Variants in SLC44A5 observed in about 807,000 individuals in gnomAD.
SLC44A5 encodes choline transporter-like protein 5.
In SLC44A5, 57 loss-of-function variants were observed where a neutral mutation model predicts 101.8. That is an observed-to-expected ratio of 0.56 (90% CI 0.45 to 0.70). The LOEUF is 0.70. SLC44A5 is among the 30% of genes least tolerant of loss of function. The pLI is 0.00. For synonymous variants in SLC44A5, 281 were observed against 290.9 expected (o/e 0.97, Z 0.35); for missense variants, 737 against 853.1 (o/e 0.86, Z 1.70).
rs552434534 is a variant in SLC44A5, at chr1:75,362,460, A to G, written c.53-22830T>C. 1.1e-4 allele frequency among the ~76,000 whole-genome samples: 17 copies of G among 152,038 alleles called. No homozygotes were observed. The East Asian group carries it at 2.9e-3, about 26-fold the overall frequency. Reference sequence around the variant, plus strand: ...TCCCTTTTAGAACTGTTTCTGGGGCATCCCATAAGTTTCTATACATTGTTT... The same window carrying G: ...TCCCTTTTAGAACTGTTTCTGGGGCGTCCCATAAGTTTCTATACATTGTTT... On this transcript the variant is annotated intron_variant, in intron 3 of 23. Coordinates refer to ENST00000370859, the MANE Select transcript of SLC44A5 (RefSeq NM_001130058.2).
intron 5 of SLC44A5, among the ~76,000 whole-genome samples, chr1:75,292,011 C>CA (rs768550940): frequency 0.039 from 2,039 of 52,048 alleles, 28 homozygotes; most frequent in Non-Finnish European, 0.045. Flanking sequence ...GACTCTGTCT[C>CA]AAAAAAAAAA....
chr1:75,650,058 C>G, the SLC44A5 span, among the ~76,000 whole-genome samples: 1 of 152,150 alleles, frequency 6.6e-6, no homozygotes, highest in African/African-American at 2.4e-5. Context: ...TTCTCTCTCT[C>G]TCTCTCATTA....
intron 3 of SLC44A5, among the ~76,000 whole-genome samples, chr1:75,358,321 GGT>G (rs2101102053): frequency 6.6e-6 from 1 of 152,046 alleles, no homozygotes; most frequent in Non-Finnish European, 1.5e-5. Flanking sequence ...TGCCATATTT[GGT>G]ATATTTAACC....
chr1:75,326,823 G>T (rs566186266), intron 4 of SLC44A5, among the ~76,000 whole-genome samples: 1 of 151,974 alleles, frequency 6.6e-6, no homozygotes, highest in Admixed American at 6.6e-5. Context: ...TGCAACTTTA[G>T]CTCCAAAATC....
intron 2 of SLC44A5, among the ~76,000 whole-genome samples, chr1:75,507,365 T>A (rs755636714): frequency 2.6e-5 from 4 of 152,206 alleles, no homozygotes; most frequent in African/African-American, 9.7e-5. Context: ...GATTTGCATA[T>A]GTTGAACTGA....
intron 1 of SLC44A5, among the ~76,000 whole-genome samples, chr1:75,588,738 G>T (rs1446598275): frequency 1.5e-4 from 2 of 13,614 alleles, no homozygotes; most frequent in African/African-American, 3.8e-4. Flanking sequence ...CTTCATACTG[G>T]TTTTTTTAAA....
intron 1 of SLC44A5, among the ~76,000 whole-genome samples, chr1:75,570,005 A>G (rs922426030): frequency 6.6e-6 from 1 of 152,244 alleles, no homozygotes; most frequent in Non-Finnish European, 1.5e-5. Flanking sequence ...AAGCCAGAGT[A>G]GAACATGCAA....
intron 1 of SLC44A5, among the ~76,000 whole-genome samples, chr1:75,543,483 T>C (rs940442181): frequency 6.6e-6 from 1 of 151,764 alleles, no homozygotes; most frequent in Non-Finnish European, 1.5e-5. Context: ...TCCTGGCATT[T>C]TGTTATGTAG....
chr1:75,272,070 G>A (rs1250742277), intron 6 of SLC44A5, among the ~76,000 whole-genome samples: 1 of 152,044 alleles, frequency 6.6e-6, no homozygotes, highest in African/African-American at 2.4e-5. Flanking sequence ...TGATTAGTGT[G>A]TTGGGCATTT....
chr1:75,336,286 T>C (rs1047656468), intron 4 of SLC44A5, among the ~76,000 whole-genome samples: 2 of 151,908 alleles, frequency 1.3e-5, no homozygotes, highest in Admixed American at 6.6e-5. Flanking sequence ...CTCCTGAATG[T>C]GAGATTAAAG....
At chr1:75,282,307 T>C (rs1169786516) in intron 5 of SLC44A5, among the ~76,000 whole-genome samples, 3 of 152,224 alleles carry the variant, frequency 2.0e-5, no homozygotes, top group African/African-American at 7.2e-5. Context: ...TTGGAATGGG[T>C]GTATTAACCC....
At chr1:75,332,313 C>G (rs1259546247) in intron 4 of SLC44A5, among the ~76,000 whole-genome samples, 1 of 152,094 alleles carries the variant, frequency 6.6e-6, no homozygotes, top group Non-Finnish European at 1.5e-5. Flanking sequence ...CTGTATTAGT[C>G]TTGAGTCAAA....
At chr1:75,213,000 G>GGTCA (rs2100459908) in intron 22 of SLC44A5, among the ~76,000 whole-genome samples, 1 of 152,190 alleles carries the variant, frequency 6.6e-6, no homozygotes, top group Admixed American at 6.5e-5. Context: ...CTCGTGCAGG[G>GGTCA]GTCAGTTCAT....
the SLC44A5 span, among the ~76,000 whole-genome samples, chr1:75,637,692 G>A: frequency 6.6e-6 from 1 of 152,008 alleles, no homozygotes; most frequent in African/African-American, 2.4e-5. Flanking sequence ...AAATTAAGCA[G>A]AGTAAAATAT....
At chr1:75,431,981 C>T (rs1664642249) in intron 2 of SLC44A5, among the ~76,000 whole-genome samples, 1 of 152,024 alleles carries the variant, frequency 6.6e-6, no homozygotes, top group Admixed American at 6.6e-5. Context: ...TTATTCTTGC[C>T]TATGTGTAGA....
chr1:75,520,981 T>A (rs937094384), intron 2 of SLC44A5, among the ~76,000 whole-genome samples: 1 of 152,176 alleles, frequency 6.6e-6, no homozygotes, highest in South Asian at 2.1e-4. Flanking sequence ...CAGCAATATA[T>A]TCCTGAGGTC....
the SLC44A5 span, among the ~76,000 whole-genome samples, chr1:75,652,377 C>G: frequency 6.8e-3 from 1,030 of 152,330 alleles, 9 homozygotes; most frequent in Non-Finnish European, 0.012. Context: ...CTCAGTCTCT[C>G]ACTCTGCCTT....
rs75353340 is a variant in SLC44A5, at chr1:75,559,465, A to G, written c.-69-17949T>C. Among the ~76,000 whole-genome samples the G allele has an allele frequency of 6.3e-3, 956 of 152,282 alleles. 10 individuals carry two copies. The highest frequency in any genetic ancestry group is 0.022 in the African/African-American group (907 of 41,572). On this transcript the variant is annotated intron_variant, in intron 1 of 23. Transcript: ENST00000370859. ...TTAGCACCAAATATTGGATCTGATAATATCGGATAGTTCACTTGGAAGCAC... is the reference window on the plus strand; with the variant it reads ...TTAGCACCAAATATTGGATCTGATAGTATCGGATAGTTCACTTGGAAGCAC...
At chr1:75,272,960 T>A (rs1444502300) in intron 6 of SLC44A5, among the ~76,000 whole-genome samples, 1 of 152,104 alleles carries the variant, frequency 6.6e-6, no homozygotes, top group Admixed American at 6.6e-5. Context: ...AATTTGTAGA[T>A]TGCTTTTGGC....
Sources: allele counts gnomAD v4.1 joint callset (sites outside exome capture counted in the v4.1 genomes callset), GRCh38; gene constraint gnomAD v4.1.1; transcripts MANE v1.5; gene names NCBI Gene and HGNC (gene_info 2026-07-23, HGNC 2026-07-21).